RBMS2: variants seen among roughly 807,000 people sequenced by gnomAD.
RBMS2 encodes the protein RNA binding motif single stranded interacting protein 2.
In RBMS2, 38 loss-of-function variants were observed where a neutral mutation model predicts 58.4. That is an observed-to-expected ratio of 0.65 (90% confidence interval 0.50 to 0.85). The LOEUF is 0.85. RBMS2 is among the 40% of genes least tolerant of loss of function. RBMS2 has a pLI of 0.00. For missense variants in RBMS2, 367 were observed against 503.7 expected, an observed-to-expected ratio of 0.73 and a Z score of 2.60; for synonymous variants, 151 against 180.7, an observed-to-expected ratio of 0.84 and a Z score of 1.32.
In RBMS2 at chr12:56,594,842, T is replaced by C. The variant is rs959502859; in HGVS notation, c.*5709T>C. ...ACACGTCTACCTCACAACCTCACAA[T>C]TCAACAACAGGTAAATACCTGGATT... On this transcript the variant is annotated 3_prime_UTR_variant, in exon 14 of 14. Coordinates refer to ENST00000262031, the MANE Select transcript of RBMS2 (RefSeq NM_002898.4). The C allele has an allele frequency of 6.6e-6, 1 of 152,220 alleles. No homozygotes were observed. The highest frequency in any genetic ancestry group is 1.5e-5 in the Non-Finnish European group (1 of 68,052). 9.4% of individuals were successfully genotyped at this position (152,220 alleles called of 1,614,324 possible).
At chr12:56,522,214 A>C in intron 1 of RBMS2, 125 bp downstream of exon 1, 1 of 695,578 alleles carries the variant, frequency 1.4e-6, no homozygotes. Context: ...CTAATTCCTC[A>C]CCGCGCTTCT....
At chr12:56,528,182 C>T (rs10735863) in intron 1 of RBMS2, among the ~76,000 whole-genome samples, 61,622 of 150,668 alleles carry the variant, frequency 0.41, 14,365 homozygotes, top group East Asian at 0.59. Context: ...TGGTAGAGGT[C>T]GAGGCTACAG....
chr12:56,576,942 G>A (rs2136517351), intron 5 of RBMS2, among the ~76,000 whole-genome samples: 1 of 151,040 alleles, frequency 6.6e-6, no homozygotes, highest in East Asian at 2.0e-4. Context: ...TTAGGAGGCT[G>A]AGGTGAGAGA....
chr12:56,526,552 T>G (rs954009613), intron 1 of RBMS2, among the ~76,000 whole-genome samples: 5 of 150,678 alleles, frequency 3.3e-5, no homozygotes, highest in Non-Finnish European at 5.9e-5. Context: ...TTCTTTGGAA[T>G]TAAAATAGTT....
At chr12:56,566,937 G>T (rs565171213) in intron 2 of RBMS2, among the ~76,000 whole-genome samples, 1 of 152,224 alleles carries the variant, frequency 6.6e-6, no homozygotes, top group African/African-American at 2.4e-5. Context: ...AAGAGCATTT[G>T]AGGAACTATT....
chr12:56,582,841 G>T (rs1460707328), intron 9 of RBMS2, among the ~76,000 whole-genome samples: 2 of 151,802 alleles, frequency 1.3e-5, no homozygotes, highest in African/African-American at 4.8e-5. Flanking sequence ...GCTAATTTTT[G>T]TTTTTTTTAG....
In RBMS2 at chr12:56,577,984, G is replaced by A. The variant is rs931301083; in HGVS notation, c.543-3200G>A. On this transcript the variant is annotated intron_variant, in intron 5 of 13. Coordinates refer to ENST00000262031, the MANE Select transcript of RBMS2 (RefSeq NM_002898.4). The stretch of plus-strand genomic sequence containing the variant: ...ATTACAGGCGTGAGCCACTGGACCC[G>A]GCCTAATTTTTTAATTTTTTTGTAG... Among the ~76,000 whole-genome samples the A allele has an allele frequency of 8.6e-5, 13 of 152,008 alleles. No individual in the cohort carries two copies. In the East Asian group the frequency reaches 1.2e-3, roughly 14 times the overall value.
rs1459348217 is a variant in RBMS2, at chr12:56,593,179, G to A, written c.*4046G>A. The A allele has an allele frequency of 6.6e-6, 1 of 150,524 alleles. No homozygotes were observed. The highest frequency in any genetic ancestry group is 2.5e-5 in the African/African-American group (1 of 40,812). 9.3% of individuals were successfully genotyped at this position (150,524 alleles called of 1,614,324 possible). Reference sequence around the variant, plus strand: ...TTTTTGAGACAGGGTCTCACTCTGTGGCCCAGGCTGGAGTGCAGTGGCACC... The same window carrying A: ...TTTTTGAGACAGGGTCTCACTCTGTAGCCCAGGCTGGAGTGCAGTGGCACC... On this transcript the variant is annotated 3_prime_UTR_variant, in exon 14 of 14. Transcript: ENST00000262031.
rs148878835 is a variant in RBMS2 at position 56,541,164 on chromosome 12, T to C, written c.66+19075T>C. Among the ~76,000 whole-genome samples, 419 of 151,782 alleles carry C rather than the reference T, an allele frequency of 2.8e-3. 3 individuals carry two copies. The highest frequency in any genetic ancestry group is 9.3e-3 in the African/African-American group (385 of 41,392). The stretch of plus-strand genomic sequence containing the variant: ...GACTTTTGAGCCAGTGTTTTAACCA[T>C]TTTCTGTTGGTTAATGGGATTTATA... On this transcript the variant is annotated intron_variant, in intron 1 of 13. Coordinates refer to ENST00000262031, the MANE Select transcript of RBMS2 (RefSeq NM_002898.4).
At chr12:56,539,390 G>A (rs1875649251) in intron 1 of RBMS2, among the ~76,000 whole-genome samples, 1 of 152,086 alleles carries the variant, frequency 6.6e-6, no homozygotes, top group African/African-American at 2.4e-5. Context: ...CTGTTATAGA[G>A]GGTAAAGATT....
chr12:56,533,671 C>T (rs1874227349), intron 1 of RBMS2, among the ~76,000 whole-genome samples: 2 of 151,926 alleles, frequency 1.3e-5, no homozygotes, highest in Admixed American at 6.6e-5. Context: ...CCACCTTGGC[C>T]TCCCAAAGTG....
At position 56,591,228 on chromosome 12, in the gene RBMS2, A is replaced by G. The variant is rs1885282526; in HGVS notation, c.*2095A>G. On this transcript the variant is annotated 3_prime_UTR_variant, in exon 14 of 14. Coordinates refer to ENST00000262031, the MANE Select transcript of RBMS2 (RefSeq NM_002898.4). ...GAGACAGGTGTTCATTAGGCTGGCC[A>G]TAGGGAGAGGAAGGGGGTGACAGCA... 6.6e-6 allele frequency: 1 copy of G among 152,208 alleles called. No individual in the cohort carries two copies. Among genetic ancestry groups the G allele is most frequent in the Admixed American group, 6.5e-5 (1 of 15,268 alleles). 9.4% of individuals were successfully genotyped at this position (152,208 alleles called of 1,614,324 possible).
intron 1 of RBMS2, among the ~76,000 whole-genome samples, chr12:56,523,079 C>G (rs1164968857): frequency 6.6e-6 from 1 of 152,184 alleles, no homozygotes; most frequent in Non-Finnish European, 1.5e-5. Flanking sequence ...TGGATTTAAA[C>G]ACAAGTGTCT....
intron 9 of RBMS2, among the ~76,000 whole-genome samples, chr12:56,586,339 A>T (rs1371294141): frequency 6.6e-6 from 1 of 152,166 alleles, no homozygotes; most frequent in Admixed American, 6.5e-5. Flanking sequence ...CTCAAAAAAA[A>T]AAAGTAGCCA....
At chr12:56,528,075 C>T (rs1873001976) in intron 1 of RBMS2, 1 of 151,862 alleles carries the variant, frequency 6.6e-6, no homozygotes, top group African/African-American at 2.4e-5. Flanking sequence ...ATGGCAAAAC[C>T]CTGTCTCTAC....
chr12:56,568,730 A>G lies in RBMS2; in HGVS notation c.234-245A>G, dbSNP rs148930217. Among the ~76,000 whole-genome samples the G allele has an allele frequency of 1.6e-3, 237 of 152,062 alleles. 1 individual carries two copies. Among genetic ancestry groups the G allele is most frequent in the African/African-American group, 5.6e-3 (231 of 41,492 alleles). On this transcript the variant is annotated intron_variant, in intron 2 of 13. Coordinates refer to ENST00000262031, the MANE Select transcript of RBMS2 (RefSeq NM_002898.4). Reference sequence around the variant, plus strand: ...TTTTTAGTAGAGATGAGGCTTCATCATGTTGGCCAGGCTGGCCTCAAACTC... The same window carrying G: ...TTTTTAGTAGAGATGAGGCTTCATCGTGTTGGCCAGGCTGGCCTCAAACTC...
chr12:56,521,502 G>GTTTTTTTTTT (rs68129205), upstream of RBMS2, among the ~76,000 whole-genome samples: 95 of 73,156 alleles, frequency 1.3e-3, 8 homozygotes, highest in African/African-American at 5.0e-3. Context: ...CTCTAACTCT[G>GTTTTTTTTTT]TTTTTTTTTT....
chr12:56,522,102 G>A lies in RBMS2; in HGVS notation c.66+13G>A. ...AAACAACAAGAAGGTAGGGAAAAGC[G>A]CTTTTTTGGTATCTAGCTACTTCTT... On this transcript the variant is annotated intron_variant, in intron 1 of 13. Coordinates refer to ENST00000262031, the MANE Select transcript of RBMS2 (RefSeq NM_002898.4). The A allele has an allele frequency of 6.4e-7, 1 of 1,569,060 alleles. No individual in the cohort carries two copies. The highest frequency in any genetic ancestry group is 1.1e-5 in the South Asian group (1 of 89,682).
At chr12:56,558,309 G>A (rs1019362388) in intron 1 of RBMS2, among the ~76,000 whole-genome samples, 280 of 149,992 alleles carry the variant, frequency 1.9e-3, no homozygotes, top group African/African-American at 6.7e-3. Flanking sequence ...GCCTCCCAAA[G>A]TGCTGGGATT....
Sources: gnomAD v4.1 joint callset for allele counts (sites outside exome capture counted in the v4.1 genomes callset) on GRCh38, gnomAD v4.1.1 for gene constraint, MANE v1.5 for transcripts, NCBI Gene and HGNC (gene_info 2026-07-23, HGNC 2026-07-21) for gene names.